The following LRRC37A variants were observed in gnomAD, a reference collection of about 807,000 sequenced individuals.
The protein encoded by LRRC37A is leucine rich repeat containing 37A, also known as leucine-rich repeat-containing protein 37A.
In LRRC37A, 3 loss-of-function variants were observed where a neutral mutation model predicts 35.4. That is an observed-to-expected ratio of 0.08 (90% confidence interval 0.04 to 0.22). The LOEUF is 0.22. LRRC37A is among the 10% of genes least tolerant of loss of function. The probability of loss-of-function intolerance (pLI) is 1.00; values close to 1 mark genes in which losing one functional copy is unlikely to be tolerated. For missense variants in LRRC37A, 67 were observed against 565.3 expected, an observed-to-expected ratio of 0.12 and a Z score of 8.94; for synonymous variants, 23 against 215.0, an observed-to-expected ratio of 0.11 and a Z score of 7.81.
At chr17:46,277,751 A>C in the LRRC37A span, among the ~76,000 whole-genome samples, 1 of 150,534 alleles carries the variant, frequency 6.6e-6, no homozygotes, top group Non-Finnish European at 1.5e-5. Context: ...GGTTCAAATG[A>C]TTTTCCTGCC....
At chr17:46,275,326 A>T in the LRRC37A span, 1 of 841,248 alleles carries the variant, frequency 1.2e-6, no homozygotes, top group Admixed American at 2.5e-5. Context: ...TTAATTTAAA[A>T]TAGTTCAGGC....
chr17:46,252,541 C>T, the LRRC37A span, among the ~76,000 whole-genome samples: 1 of 148,872 alleles, frequency 6.7e-6, no homozygotes, highest in Admixed American at 6.8e-5. Flanking sequence ...TCTTTGTGTC[C>T]CTGGGTACTT....
chr17:46,251,302 A>G, the LRRC37A span, among the ~76,000 whole-genome samples: 19,474 of 146,910 alleles, frequency 0.13, 2 homozygotes, highest in Middle Eastern at 0.2. Flanking sequence ...CTTGTTGCCC[A>G]GGCTGGAGTG....
the LRRC37A span, among the ~76,000 whole-genome samples, chr17:46,258,230 GA>G: frequency 8.5e-6 from 1 of 117,544 alleles, no homozygotes; most frequent in African/African-American, 2.6e-5. Context: ...TTTTTTTTTT[GA>G]GATGGAGTCT....
chr17:46,268,579 G>A, the LRRC37A span: 1 of 1,534,126 alleles, frequency 6.5e-7, no homozygotes, highest in Admixed American at 2.0e-5. Context: ...CAGGTCCTGA[G>A]AGGCCATCTC....
At chr17:46,280,015 TC>T in the LRRC37A span, among the ~76,000 whole-genome samples, 1 of 152,238 alleles carries the variant, frequency 6.6e-6, no homozygotes, top group East Asian at 1.9e-4. Flanking sequence ...TGTACAAATG[TC>T]ACCTTGAGTC....
At chr17:46,262,258 T>G in the LRRC37A span, among the ~76,000 whole-genome samples, 7 of 152,188 alleles carry the variant, frequency 4.6e-5, no homozygotes, top group African/African-American at 1.4e-4. Flanking sequence ...CCTCTCAAAC[T>G]CCTGACCTCA....
chr17:46,275,715 C>T, the LRRC37A span, among the ~76,000 whole-genome samples: 1 of 152,104 alleles, frequency 6.6e-6, no homozygotes, highest in Non-Finnish European at 1.5e-5. Flanking sequence ...GAGACATTTA[C>T]AGAAGCATTA....
At chr17:46,289,398 T>C (rs535901441), upstream of LRRC37A, among the ~76,000 whole-genome samples, 1 of 145,136 alleles carries the variant, frequency 6.9e-6, no homozygotes, top group East Asian at 1.9e-4. Flanking sequence ...ACTTACCTCC[T>C]GAGCTCAAGT....
the LRRC37A span, among the ~76,000 whole-genome samples, chr17:46,250,085 C>G: frequency 6.6e-6 from 1 of 152,226 alleles, no homozygotes; most frequent in African/African-American, 2.4e-5. Context: ...GCGTGAGCCA[C>G]CATGCCTGGC....
the LRRC37A span, among the ~76,000 whole-genome samples, chr17:46,268,193 A>C: frequency 6.6e-6 from 1 of 152,200 alleles, no homozygotes; most frequent in South Asian, 2.1e-4. Flanking sequence ...TACTTTTTGT[A>C]TTTTTAGTAC....
At chr17:46,268,934 A>G in the LRRC37A span, among the ~76,000 whole-genome samples, 1 of 152,272 alleles carries the variant, frequency 6.6e-6, no homozygotes, top group African/African-American at 2.4e-5. Flanking sequence ...AGTGATTTAC[A>G]CAGCTCAGAT....
At chr17:46,288,193 G>A (rs748351364), upstream of LRRC37A, among the ~76,000 whole-genome samples, 1 of 152,030 alleles carries the variant, frequency 6.6e-6, no homozygotes, top group Non-Finnish European at 1.5e-5. Context: ...CCAGGCTGCA[G>A]GGCAGGGGCA....
the LRRC37A span, among the ~76,000 whole-genome samples, chr17:46,279,570 T>C: frequency 1.4e-5 from 2 of 147,160 alleles, no homozygotes; most frequent in Non-Finnish European, 3.0e-5. Context: ...TGCATGAACA[T>C]GGCTCACTGC....
the LRRC37A span, among the ~76,000 whole-genome samples, chr17:46,278,010 G>A: frequency 0.11 from 16,962 of 148,650 alleles, no homozygotes; most frequent in Non-Finnish European, 0.17. Flanking sequence ...TAGTGGTGTG[G>A]TCTCCACTCA....
the LRRC37A span, among the ~76,000 whole-genome samples, chr17:46,272,463 G>A: frequency 4.6e-5 from 7 of 152,202 alleles, no homozygotes; most frequent in African/African-American, 1.7e-4. Context: ...CCCCCAGGCT[G>A]GAGTGCAATG....
the LRRC37A span, among the ~76,000 whole-genome samples, chr17:46,271,773 T>C: frequency 6.6e-6 from 1 of 152,254 alleles, no homozygotes; most frequent in Non-Finnish European, 1.5e-5. Context: ...AAGTTCACTT[T>C]TTTTTTGAGA....
At chr17:46,270,403 G>A in the LRRC37A span, among the ~76,000 whole-genome samples, 1 of 152,236 alleles carries the variant, frequency 6.6e-6, no homozygotes. Context: ...CTATGGTAAA[G>A]CACTACTGAG....
At chr17:46,270,742 A>G in the LRRC37A span, among the ~76,000 whole-genome samples, 2 of 152,198 alleles carry the variant, frequency 1.3e-5, no homozygotes, top group Non-Finnish European at 2.9e-5. Flanking sequence ...CTCTGTCTCT[A>G]CTAAAAATAC....
Sources: allele counts gnomAD v4.1 joint callset (sites outside exome capture counted in the v4.1 genomes callset), GRCh38; gene constraint gnomAD v4.1.1; transcripts MANE v1.5; gene names NCBI Gene and HGNC (gene_info 2026-07-23, HGNC 2026-07-21).